SCYL2: variants seen among roughly 807,000 people sequenced by gnomAD.
SCYL2 encodes the protein SCY1-like protein 2.
A neutral mutation model predicts 100.4 loss-of-function variants in SCYL2; 36 were observed. That is an observed-to-expected ratio of 0.36 (90% CI 0.27 to 0.47). The LOEUF is 0.47. SCYL2 is among the 20% of genes least tolerant of loss of function. The pLI, the probability that SCYL2 is intolerant of heterozygous loss-of-function variation, is 1.00. For synonymous variants in SCYL2, 330 were observed against 359.2 expected, an observed-to-expected ratio of 0.92 and a Z score of 0.92; for missense variants, 902 against 1,083.9, an observed-to-expected ratio of 0.83 and a Z score of 2.36.
rs1474073385 is a variant in SCYL2 at position 100,317,856 on chromosome 12, T to G, written c.1326T>G (p.Pro442=). The G allele has an allele frequency of 2.5e-6, 4 of 1,609,468 alleles. 1 individual carries two copies. In the Middle Eastern group the frequency reaches 5.1e-4, roughly 204 times the overall value. The part of the protein sequence containing the change: ...KMDLLLTKTP[P]DEIKNSVLPM... ...ATTTGCTACTAACCAAAACCCCTCC[T>G]GATGAGATAAAGAACAGTGTTCTAC... Residue 442 remains proline, a synonymous_variant, in exon 10 of 18, where the codon CCT becomes CCG. Transcript: ENST00000360820.
chr12:100,330,216 G>A (rs1952191899), intron 13 of SCYL2, among the ~76,000 whole-genome samples: 1 of 152,140 alleles, frequency 6.6e-6, no homozygotes, highest in African/African-American at 2.4e-5. Flanking sequence ...AGAATAATGG[G>A]AGAAAGATAA....
chr12:100,320,270 T>C (rs2096354117), intron 10 of SCYL2, among the ~76,000 whole-genome samples: 1 of 152,134 alleles, frequency 6.6e-6, no homozygotes, highest in South Asian at 2.1e-4. Context: ...CCGGGCTGGG[T>C]GCGGTGGCTC....
intron 13 of SCYL2, among the ~76,000 whole-genome samples, chr12:100,330,830 C>CTTTTTTTTT (rs71088179): frequency 7.5e-6 from 1 of 134,106 alleles, no homozygotes; most frequent in Non-Finnish European, 1.6e-5. Flanking sequence ...AATTTTTTTT[C>CTTTTTTTTT]TTTTTTTTTT....
chr12:100,271,997 C>G (rs760113972), intron 1 of SCYL2, among the ~76,000 whole-genome samples: 1 of 152,090 alleles, frequency 6.6e-6, no homozygotes, highest in Non-Finnish European at 1.5e-5. Flanking sequence ...TAATACTCAT[C>G]CTACTTTCTG....
At chr12:100,298,930 C>G (rs186527474) in intron 4 of SCYL2, among the ~76,000 whole-genome samples, 12 of 152,086 alleles carry the variant, frequency 7.9e-5, no homozygotes, top group Admixed American at 6.6e-4. Context: ...TCCCTGCTTA[C>G]CAAAATAATA....
intron 1 of SCYL2, among the ~76,000 whole-genome samples, chr12:100,271,209 A>G (rs771573468): frequency 2.2e-4 from 33 of 148,798 alleles, no homozygotes; most frequent in Admixed American, 1.0e-3. Context: ...TCAAGAATAC[A>G]TCTTAAGGCC....
Position 100,283,152 on chromosome 12 carries a change from G to A in SCYL2, c.177+5G>A. The stretch of plus-strand genomic sequence containing the variant: ...ACAAAAAAGTCAACAAAGCAGGTGA[G>A]TTTTAATTCAGCATCCACTTGGAAA... On this transcript the variant is annotated splice_donor_5th_base_variant and intron_variant, in intron 2 of 17. Transcript: ENST00000360820. 4 of 1,585,742 alleles carry A rather than the reference G, an allele frequency of 2.5e-6. No individual in the cohort carries two copies. The highest frequency in any genetic ancestry group is 1.2e-5 in the South Asian group (1 of 86,694).
chr12:100,329,186 ATTC>A lies in SCYL2; in HGVS notation c.1643-12_1643-10del, dbSNP rs1455921845. Reference sequence around the variant, plus strand: ...GGTGTTAACTTATAAAATTTGTCACATTCTTTTCTATCAGGTATTTACAAATGT... The same window carrying A: ...GGTGTTAACTTATAAAATTTGTCACATTTTCTATCAGGTATTTACAAATGT... On this transcript the variant is annotated splice_polypyrimidine_tract_variant and intron_variant, in intron 12 of 17. Coordinates refer to ENST00000360820, the MANE Select transcript of SCYL2 (RefSeq NM_017988.6). The A allele has an allele frequency of 8.1e-7, 1 of 1,240,714 alleles. No homozygotes were observed. The highest frequency in any genetic ancestry group is 1.2e-6 in the Non-Finnish European group (1 of 841,154). 76.9% of individuals were successfully genotyped at this position (1,240,714 alleles called of 1,614,324 possible). A position where few individuals can be genotyped will look rare whatever the true frequency, so the allele number is the denominator to read the frequency against.
chr12:100,333,546 G>A (rs1357016387), intron 13 of SCYL2: 5 of 152,206 alleles, frequency 3.3e-5, no homozygotes, highest in South Asian at 4.1e-4. Context: ...CAAATAAGTT[G>A]TTTATGATGA....
At chr12:100,330,331 AT>A (rs1434950072) in intron 13 of SCYL2, among the ~76,000 whole-genome samples, 4 of 152,304 alleles carry the variant, frequency 2.6e-5, no homozygotes, top group Non-Finnish European at 5.9e-5. Context: ...TCCAAAGATT[AT>A]TATGGAATTG....
rs1458067471 is a variant in SCYL2, at chr12:100,293,714, G to A, written c.335+2054G>A. ...TTGTGTCCCTGGGTACTTGAGATTA[G>A]GGAGTGGTGACGACTCTTAACGAGC... On this transcript the variant is annotated intron_variant, in intron 3 of 17. Transcript: ENST00000360820. 3.3e-5 allele frequency among the ~76,000 whole-genome samples: 5 copies of A among 151,970 alleles called. No individual in the cohort carries two copies. The South Asian group carries it at 8.3e-4, about 25-fold the overall frequency.
rs796356983 is a variant in SCYL2, at chr12:100,267,220, C to T, written c.-601C>T. On this transcript the variant is annotated 5_prime_UTR_variant, in exon 1 of 18. Transcript: ENST00000360820. ...TTACTCTTCGTCCCCGGTCCCTCCC[C>T]TCCCCACCCCTTTCCTTCTAGCTCC... 17 of 839,434 alleles carry T rather than the reference C, an allele frequency of 2.0e-5. No homozygotes were observed. In the African/African-American group the frequency reaches 2.4e-4, roughly 12 times the overall value. The allele number at this position is 839,434 out of a possible 1,614,324, so 52.0% of individuals were successfully genotyped here.
In SCYL2 at chr12:100,307,496, A is replaced by G. The variant is rs896011897; in HGVS notation, c.481-3548A>G. ...TACACCTTATACAAAAATTAACTCA[A>G]GGTGGATTAAAGACTTAAACATAAG... On this transcript the variant is annotated intron_variant, in intron 4 of 17. Coordinates refer to ENST00000360820, the MANE Select transcript of SCYL2 (RefSeq NM_017988.6). 3.9e-5 allele frequency among the ~76,000 whole-genome samples: 6 copies of G among 152,342 alleles called. No homozygotes were observed. In the East Asian group the frequency reaches 1.2e-3, roughly 29 times the overall value.
At position 100,339,094 on chromosome 12, in the gene SCYL2, A is replaced by G; in HGVS notation, c.2712A>G (p.Pro904=). The stretch of plus-strand genomic sequence containing the variant: ...TGCAGGGTAATCCTTTCTTTAACCC[A>G]CAGAACTTTGCACAGCCACCAACTA... ...FGMQGNPFFN[P]QNFAQPPTTM... The change falls in exon 18 of 18, where the codon CCA becomes CCG. Residue 904 remains proline (P), a synonymous_variant. Transcript: ENST00000360820. 6.2e-7 allele frequency: 1 copy of G among 1,614,080 alleles called. No individual in the cohort carries two copies. The highest frequency in any genetic ancestry group is 8.5e-7 in the Non-Finnish European group (1 of 1,179,968).
intron 4 of SCYL2, among the ~76,000 whole-genome samples, chr12:100,301,486 G>A (rs750185497): frequency 3.4e-4 from 51 of 152,086 alleles, no homozygotes; most frequent in Non-Finnish European, 6.0e-4. Flanking sequence ...TTTGATGTGC[G>A]CAAGGCTTTT....
At chr12:100,331,471 G>A (rs1180604847) in intron 13 of SCYL2, among the ~76,000 whole-genome samples, 1 of 152,106 alleles carries the variant, frequency 6.6e-6, no homozygotes, top group Non-Finnish European at 1.5e-5. Context: ...GCCAGGTGTG[G>A]TGGTGTGCGC....
At chr12:100,321,190 C>CT (rs2096355419) in intron 10 of SCYL2, among the ~76,000 whole-genome samples, 1 of 152,124 alleles carries the variant, frequency 6.6e-6, no homozygotes, top group South Asian at 2.1e-4. Flanking sequence ...TTTTGGAAGC[C>CT]TAAGAATAAG....
chr12:100,307,581 T>C (rs1027620301), intron 4 of SCYL2, among the ~76,000 whole-genome samples: 2 of 152,138 alleles, frequency 1.3e-5, no homozygotes, highest in African/African-American at 4.8e-5. Context: ...GACTTAGGCA[T>C]GGGGAAAGAC....
intron 2 of SCYL2, among the ~76,000 whole-genome samples, chr12:100,287,564 G>A (rs921956528): frequency 1.3e-5 from 2 of 151,998 alleles, no homozygotes; most frequent in African/African-American, 2.4e-5. Context: ...AGCCTTTTTT[G>A]TTTAAATTAG....
Sources: allele counts gnomAD v4.1 joint callset (sites outside exome capture counted in the v4.1 genomes callset), GRCh38; gene constraint gnomAD v4.1.1; transcripts MANE v1.5; gene names NCBI Gene and HGNC (gene_info 2026-07-23, HGNC 2026-07-21).